The following NEGR1 variants were observed in gnomAD, a reference collection of about 807,000 sequenced individuals.
NEGR1 encodes the protein neuronal growth regulator 1.
In NEGR1, 10 loss-of-function variants were observed where a neutral mutation model predicts 40.9. The observed-to-expected ratio is 0.24, with a 90% confidence interval of 0.15 to 0.42. NEGR1 has a LOEUF of 0.42. Among genes scored for constraint, NEGR1 ranks in the 10% least tolerant of loss-of-function variants. NEGR1 has a pLI of 1.00. For missense variants in NEGR1, 352 were observed against 438.9 expected (o/e 0.80, Z 1.77); for synonymous variants, 185 against 166.8 (o/e 1.11, Z -0.84).
intron 1 of NEGR1, among the ~76,000 whole-genome samples, chr1:71,963,916 G>A (rs1214906825): frequency 6.6e-6 from 1 of 152,098 alleles, no homozygotes; most frequent in African/African-American, 2.4e-5. Flanking sequence ...AATCTCGGGT[G>A]ATTAACACAG....
chr1:71,563,370 C>T (rs1570036918), intron 6 of NEGR1, among the ~76,000 whole-genome samples: 1 of 151,914 alleles, frequency 6.6e-6, no homozygotes, highest in African/African-American at 2.4e-5. Context: ...TGCTGCTTTG[C>T]ACCTGGACTC....
intron 1 of NEGR1, among the ~76,000 whole-genome samples, chr1:71,955,476 G>A (rs910437847): frequency 6.6e-5 from 10 of 151,968 alleles, no homozygotes; most frequent in Non-Finnish European, 1.3e-4. Flanking sequence ...AGGCAACCTC[G>A]ACCACCAAAA....
chr1:72,133,358 T>C (rs1650328346), intron 1 of NEGR1, among the ~76,000 whole-genome samples: 1 of 152,082 alleles, frequency 6.6e-6, no homozygotes, highest in Admixed American at 6.5e-5. Context: ...AATGAGAAAA[T>C]ATGTAATGCA....
chr1:72,194,426 A>C (rs940066121), intron 1 of NEGR1, among the ~76,000 whole-genome samples: 1 of 152,010 alleles, frequency 6.6e-6, no homozygotes, highest in Non-Finnish European at 1.5e-5. Context: ...TCAGGAAGTA[A>C]CCGCTGTTAG....
At chr1:71,788,468 A>G (rs1319108055) in intron 2 of NEGR1, among the ~76,000 whole-genome samples, 1 of 152,190 alleles carries the variant, frequency 6.6e-6, no homozygotes, top group Non-Finnish European at 1.5e-5. Context: ...TGTGTTTTAA[A>G]TTATTCATTA....
chr1:71,895,710 G>A (rs1262313975), intron 2 of NEGR1, among the ~76,000 whole-genome samples: 1 of 152,064 alleles, frequency 6.6e-6, no homozygotes, highest in Non-Finnish European at 1.5e-5. Context: ...ATGAACACTT[G>A]GATTGTTTTC....
intron 1 of NEGR1, among the ~76,000 whole-genome samples, chr1:71,940,799 T>G (rs1218929801): frequency 6.6e-6 from 1 of 152,148 alleles, no homozygotes; most frequent in Non-Finnish European, 1.5e-5. Context: ...AAATAGCATA[T>G]TTAGGGTATT....
chr1:71,740,505 T>C (rs1267937574), intron 3 of NEGR1, among the ~76,000 whole-genome samples: 1 of 152,094 alleles, frequency 6.6e-6, no homozygotes, highest in African/African-American at 2.4e-5. Context: ...AGGAATGAGG[T>C]TGCAACCTAT....
intron 3 of NEGR1, among the ~76,000 whole-genome samples, chr1:71,728,092 A>G (rs1283362884): frequency 1.3e-5 from 2 of 151,634 alleles, no homozygotes; most frequent in Non-Finnish European, 1.5e-5. Flanking sequence ...GCTTTGCAAC[A>G]AAAAAGAGCT....
At chr1:71,618,563 C>G (rs376594913) in intron 4 of NEGR1, among the ~76,000 whole-genome samples, 5 of 152,052 alleles carry the variant, frequency 3.3e-5, no homozygotes, top group East Asian at 1.9e-4. Context: ...CCATCACCCC[C>G]AGATGAGACT....
Position 72,100,331 on chromosome 1 carries a change from T to C in NEGR1, c.177-165020A>G, listed in dbSNP as rs113841909. On this transcript the variant is annotated intron_variant, in intron 1 of 6. Coordinates refer to ENST00000357731, the MANE Select transcript of NEGR1 (RefSeq NM_173808.3). ...TGCATGTCCTTGTTTTTGCTTAAAA[T>C]TGATTTTCTCTGATTTCAGTGCTTC... 3.2e-3 allele frequency among the ~76,000 whole-genome samples: 490 copies of C among 152,318 alleles called. 3 individuals carry two copies. Among genetic ancestry groups the C allele is most frequent in the African/African-American group, 0.011 (470 of 41,580 alleles).
At position 72,108,532 on chromosome 1, in the gene NEGR1, C is replaced by A. The variant is rs111840478; in HGVS notation, c.177-173221G>T. Among the ~76,000 whole-genome samples the A allele has an allele frequency of 5.6e-3, 849 of 151,540 alleles. 12 individuals carry two copies. The highest frequency in any genetic ancestry group is 0.02 in the African/African-American group (820 of 41,446). On this transcript the variant is annotated intron_variant, in intron 1 of 6. Coordinates refer to ENST00000357731, the MANE Select transcript of NEGR1 (RefSeq NM_173808.3). ...TATATCAAAATGACTCATCATAATT[C>A]ATTTCTATTTATATTAATAAAATAA...
At chr1:71,659,294 T>G (rs1341076923) in intron 4 of NEGR1, among the ~76,000 whole-genome samples, 1 of 152,098 alleles carries the variant, frequency 6.6e-6, no homozygotes, top group African/African-American at 2.4e-5. Context: ...AGACCGCTCT[T>G]CAATAGCCAA....
intron 6 of NEGR1, among the ~76,000 whole-genome samples, chr1:71,580,260 G>A (rs1466048168): frequency 6.7e-6 from 1 of 149,346 alleles, no homozygotes; most frequent in Non-Finnish European, 1.5e-5. Context: ...TGAACAATGA[G>A]AACACATGGA....
intron 1 of NEGR1, among the ~76,000 whole-genome samples, chr1:72,132,160 C>T (rs2100315382): frequency 6.6e-6 from 1 of 152,198 alleles, no homozygotes; most frequent in African/African-American, 2.4e-5. Context: ...TATACATGCA[C>T]ATAAATAGGA....
At chr1:71,778,352 A>G (rs1394982427) in intron 2 of NEGR1, among the ~76,000 whole-genome samples, 1 of 152,108 alleles carries the variant, frequency 6.6e-6, no homozygotes, top group Non-Finnish European at 1.5e-5. Context: ...GTATTTGATA[A>G]TCTACATGAA....
In NEGR1 at chr1:72,050,317, AT is replaced by A. The variant is rs1256742107; in HGVS notation, c.177-115007del. Among the ~76,000 whole-genome samples, 7 of 151,536 alleles carry A rather than the reference AT, an allele frequency of 4.6e-5. No homozygotes were observed. In the South Asian group the frequency reaches 1.0e-3, roughly 22 times the overall value. On this transcript the variant is annotated intron_variant, in intron 1 of 6. Transcript: ENST00000357731. Reference sequence around the variant, plus strand: ...TTTATATAATGCAGTTAAATAATAAATTTCATTTAAATGTATTTTTAAATCA... The same window carrying A: ...TTTATATAATGCAGTTAAATAATAAATTCATTTAAATGTATTTTTAAATCA...
At chr1:71,917,029 T>A (rs575825364) in intron 2 of NEGR1, among the ~76,000 whole-genome samples, 132 of 152,252 alleles carry the variant, frequency 8.7e-4, no homozygotes, top group African/African-American at 2.9e-3. Context: ...TTCCTGTGTG[T>A]GTATATGCCC....
intron 6 of NEGR1, among the ~76,000 whole-genome samples, chr1:71,541,121 C>T (rs769434644): frequency 3.4e-4 from 52 of 151,594 alleles, no homozygotes; most frequent in Non-Finnish European, 4.9e-4. Flanking sequence ...GACAAATATC[C>T]AAACTATATC....
Sources: allele counts gnomAD v4.1 joint callset (sites outside exome capture counted in the v4.1 genomes callset), GRCh38; gene constraint gnomAD v4.1.1; transcripts MANE v1.5; gene names NCBI Gene and HGNC (gene_info 2026-07-23, HGNC 2026-07-21).